AOPEP: variants seen among roughly 807,000 people sequenced by gnomAD.
AOPEP encodes the protein aminopeptidase O (putative).
Under a neutral mutation model 98.1 loss-of-function variants are expected in AOPEP, and 77 were observed. The ratio of observed to expected loss-of-function variants is 0.78; its 90% CI spans 0.65 to 0.95. AOPEP has a LOEUF of 0.95. AOPEP is among the 40% of genes least tolerant of loss of function. The pLI, the probability that AOPEP is intolerant of heterozygous loss-of-function variation, is 0.00. For missense variants in AOPEP, 1,024 were observed against 1,024.7 expected (o/e 1.00, Z 0.01); for synonymous variants, 346 against 365.3 (o/e 0.95, Z 0.60).
At chr9:95,073,579 G>A (rs1010564309) in intron 14 of AOPEP, among the ~76,000 whole-genome samples, 20 of 152,104 alleles carry the variant, frequency 1.3e-4, no homozygotes, top group Non-Finnish European at 2.2e-4. Flanking sequence ...CCAGCAGGCC[G>A]GGCGCGGTGG....
intron 13 of AOPEP, among the ~76,000 whole-genome samples, chr9:95,053,671 C>G (rs1344360373): frequency 1.3e-5 from 2 of 151,822 alleles, no homozygotes; most frequent in Admixed American, 1.3e-4. Context: ...ATATTACGTA[C>G]ACTGTTATTA....
At chr9:94,852,345 A>G (rs1295549726) in intron 5 of AOPEP, among the ~76,000 whole-genome samples, 1 of 152,220 alleles carries the variant, frequency 6.6e-6, no homozygotes, top group Non-Finnish European at 1.5e-5. Context: ...GAAGAACAGC[A>G]GTAGGATTCA....
chr9:94,990,708 T>G (rs2060843192), intron 11 of AOPEP, among the ~76,000 whole-genome samples: 1 of 151,834 alleles, frequency 6.6e-6, no homozygotes, highest in African/African-American at 2.4e-5. Context: ...CACTGCAACC[T>G]CCTCCTCCTC....
At chr9:94,910,986 A>G (rs1385357142) in intron 5 of AOPEP, among the ~76,000 whole-genome samples, 1 of 152,196 alleles carries the variant, frequency 6.6e-6, no homozygotes, top group Admixed American at 6.5e-5. Flanking sequence ...ATCTGTGTCT[A>G]TAGCAAAGAG....
the AOPEP span, among the ~76,000 whole-genome samples, chr9:95,109,085 T>C: frequency 6.6e-6 from 1 of 152,102 alleles, no homozygotes; most frequent in Non-Finnish European, 1.5e-5. Flanking sequence ...AATTTCTTTA[T>C]TTATTTTTTT....
At chr9:95,101,629 G>C in the AOPEP span, 1 of 1,578,720 alleles carries the variant, frequency 6.3e-7, no homozygotes, top group Non-Finnish European at 8.6e-7. Context: ...CAAATGCGTG[G>C]CCACAGGTCA....
chr9:94,943,004 A>G (rs1226428490), intron 7 of AOPEP, among the ~76,000 whole-genome samples: 2 of 152,126 alleles, frequency 1.3e-5, no homozygotes, highest in Non-Finnish European at 2.9e-5. Flanking sequence ...AGCTAAAATT[A>G]TACAACAAAC....
chr9:94,950,319 A>G (rs1054822792), intron 7 of AOPEP, among the ~76,000 whole-genome samples: 2 of 152,244 alleles, frequency 1.3e-5, no homozygotes, highest in African/African-American at 4.8e-5. Context: ...ACTGAATGCC[A>G]GGAGGAGCTC....
intron 14 of AOPEP, among the ~76,000 whole-genome samples, chr9:95,076,266 C>A (rs1295945264): frequency 6.6e-6 from 1 of 152,186 alleles, no homozygotes; most frequent in Non-Finnish European, 1.5e-5. Flanking sequence ...CATTGCTACA[C>A]CCTCATGGAA....
the AOPEP span, chr9:95,114,715 G>A: frequency 4.2e-5 from 67 of 1,613,578 alleles, no homozygotes; most frequent in African/African-American, 1.3e-4. Context: ...GGATATCTGC[G>A]GGTGGAGAGA....
chr9:94,819,943 A>ATTTTT (rs1277486320), intron 5 of AOPEP, among the ~76,000 whole-genome samples: 33 of 74,556 alleles, frequency 4.4e-4, no homozygotes, highest in Non-Finnish European at 7.0e-4. Context: ...CTTTAGTGCA[A>ATTTTT]TTCTTTTTTT....
chr9:94,926,252 A>G (rs1246307135), intron 6 of AOPEP, among the ~76,000 whole-genome samples: 1 of 152,196 alleles, frequency 6.6e-6, no homozygotes, highest in African/African-American at 2.4e-5. Context: ...ATAAGTTTAC[A>G]TAGAGAAGTA....
chr9:95,122,244 G>A, the AOPEP span, among the ~76,000 whole-genome samples: 1 of 152,090 alleles, frequency 6.6e-6, no homozygotes, highest in African/African-American at 2.4e-5. Flanking sequence ...TTAGATATCA[G>A]GTTTACAGAT....
At position 94,759,704 on chromosome 9, in the gene AOPEP, A is replaced by G. The variant is rs185200056; in HGVS notation, c.-80A>G. 2.0e-4 allele frequency: 222 copies of G among 1,117,724 alleles called. No homozygotes were observed. Among genetic ancestry groups the G allele is most frequent in the Middle Eastern group, 1.7e-3 (6 of 3,500 alleles). The allele number at this position is 1,117,724 out of a possible 1,614,324, so 69.2% of individuals were successfully genotyped here. The stretch of plus-strand genomic sequence containing the variant: ...CAGTTGTTTTCTTTGATAAGCAGCT[A>G]TTTATGATTCTGGAAGATTAAGGCA... On this transcript the variant is annotated 5_prime_UTR_variant, in exon 2 of 17. Transcript: ENST00000375315.
chr9:94,761,008 A>G (rs1310583424), intron 2 of AOPEP, among the ~76,000 whole-genome samples: 1 of 152,156 alleles, frequency 6.6e-6, no homozygotes, highest in African/African-American at 2.4e-5. Context: ...AAGCCTGGCA[A>G]AGTGCTTTCA....
chr9:95,058,228 G>A (rs1032268711), intron 13 of AOPEP, among the ~76,000 whole-genome samples: 2 of 152,158 alleles, frequency 1.3e-5, no homozygotes, highest in African/African-American at 4.8e-5. Flanking sequence ...ACCTAGTTGG[G>A]GTTAAGTTGA....
the AOPEP span, among the ~76,000 whole-genome samples, chr9:95,108,110 T>G: frequency 6.6e-6 from 1 of 152,230 alleles, no homozygotes; most frequent in Non-Finnish European, 1.5e-5. Flanking sequence ...AGAATTCCCA[T>G]GACCGATTTT....
the AOPEP span, chr9:95,111,323 C>T: frequency 5.6e-6 from 9 of 1,596,090 alleles, no homozygotes; most frequent in African/African-American, 5.3e-5. Context: ...ACCATGCCTG[C>T]AGGTTGCCAT....
chr9:94,943,935 A>ACAAAAC (rs1363358244), intron 7 of AOPEP, among the ~76,000 whole-genome samples: 1 of 146,152 alleles, frequency 6.8e-6, no homozygotes, highest in African/African-American at 2.7e-5. Flanking sequence ...AAAAAAAAAA[A>ACAAAAC]AAAAAAAAAA....
Sources: gnomAD v4.1 joint callset for allele counts (sites outside exome capture counted in the v4.1 genomes callset) on GRCh38, gnomAD v4.1.1 for gene constraint, MANE v1.5 for transcripts, NCBI Gene and HGNC (gene_info 2026-07-23, HGNC 2026-07-21) for gene names.